CATIP: variants seen among roughly 807,000 people sequenced by gnomAD.
The protein encoded by CATIP is ciliogenesis associated TTC17 interacting protein, also known as ciliogenesis-associated TTC17-interacting protein.
CATIP carries 40 observed loss-of-function variants against 42.5 expected under a neutral mutation model. The observed-to-expected ratio is 0.94, with a 90% confidence interval of 0.73 to 1.22. The LOEUF (loss-of-function observed/expected upper bound fraction) is 1.22. CATIP is among the 50% of genes most tolerant of loss of function. CATIP has a pLI of 0.00. For synonymous variants in CATIP, 222 were observed against 200.2 expected, an observed-to-expected ratio of 1.11 and a Z score of -0.92; for missense variants, 489 against 496.0, an observed-to-expected ratio of 0.99 and a Z score of 0.13.
At chr2:218,357,832 T>G in intron 3 of CATIP, 98 bp downstream of exon 3, 1 of 1,385,372 alleles carries the variant, frequency 7.2e-7, no homozygotes, top group Admixed American at 1.7e-5. Context: ...AGCCCTTGGC[T>G]TTGCCTTGGA....
At chr2:218,362,629 G>A in intron 5 of CATIP, 106 bp from the exon 6 acceptor site, 2 of 1,144,646 alleles carry the variant, frequency 1.7e-6, no homozygotes, top group Non-Finnish European at 2.5e-6. Context: ...GCGAAACTCT[G>A]TCTCAAAAAA....
intron 5 of CATIP, among the ~76,000 whole-genome samples, chr2:218,361,450 T>C (rs1196040495): frequency 6.6e-6 from 1 of 152,082 alleles, no homozygotes; most frequent in African/African-American, 2.4e-5. Flanking sequence ...TTCCAAGTCA[T>C]AGGTAGATAA....
rs1574748442 is a variant in CATIP at position 218,368,078 on chromosome 2, C to T, written c.*114C>T. On this transcript the variant is annotated 3_prime_UTR_variant, in exon 10 of 10. Transcript: ENST00000289388. ...GCGGTTTTGGGGGAATAAATGGGGC[C>T]CTCCCGCTTCTCTGCAGCGCCCGTC... 2.4e-6 allele frequency: 3 copies of T among 1,262,950 alleles called. No individual in the cohort carries two copies. In the East Asian group the frequency reaches 8.2e-5, roughly 34 times the overall value. 78.2% of individuals were successfully genotyped at this position (1,262,950 alleles called of 1,614,324 possible).
intron 2 of CATIP, 98 bp downstream of exon 2, chr2:218,357,285 C>CTCTCTCTCTT: frequency 1.1e-6 from 1 of 883,128 alleles, no homozygotes; most frequent in Non-Finnish European, 1.7e-6. Context: ...CTCTCTCTCT[C>CTCTCTCTCTT]TCTCTTCCTT....
intron 7 of CATIP, chr2:218,366,654 C>G (rs550458078): frequency 1.9e-5 from 6 of 322,982 alleles, no homozygotes; most frequent in African/African-American, 1.3e-4. Flanking sequence ...AACAAAACAC[C>G]ACAGGCTGGG....
At chr2:218,360,846 T>C (rs1695209414) in intron 5 of CATIP, among the ~76,000 whole-genome samples, 187 bp downstream of exon 5, 1 of 151,418 alleles carries the variant, frequency 6.6e-6, no homozygotes, top group Non-Finnish European at 1.5e-5. Flanking sequence ...TTTTTTTTTT[T>C]TGAGACAGAG....
intron 5 of CATIP, among the ~76,000 whole-genome samples, chr2:218,362,510 G>A (rs1238399977): frequency 2.0e-5 from 3 of 152,024 alleles, no homozygotes; most frequent in African/African-American, 7.2e-5. Context: ...ATGGTAGCCT[G>A]TAATCCCTGC....
At chr2:218,359,475 G>C (rs373945918) in intron 4 of CATIP, among the ~76,000 whole-genome samples, 1 of 152,144 alleles carries the variant, frequency 6.6e-6, no homozygotes, top group East Asian at 1.9e-4. Context: ...GCTGGGGCTG[G>C]GTGTGAGGGG....
At position 218,365,330 on chromosome 2, in the gene CATIP, C is replaced by A. The variant is rs1487704800; in HGVS notation, c.755+578C>A. On this transcript the variant is annotated intron_variant, in intron 7 of 9. Coordinates refer to ENST00000289388, the MANE Select transcript of CATIP (RefSeq NM_198559.2). The stretch of plus-strand genomic sequence containing the variant: ...TCTGGAGGCTGAGGCAGGAGGATGG[C>A]GTGAACCCAGGAGGCAGAGCTTGCA... 2.0e-5 allele frequency among the ~76,000 whole-genome samples: 3 copies of A among 151,590 alleles called. No individual in the cohort carries two copies. In the Admixed American group the frequency reaches 2.0e-4, roughly 10 times the overall value.
In CATIP at chr2:218,367,493, T is replaced by A. The variant is rs1695493522; in HGVS notation, c.896T>A (p.Leu299His). The change falls in exon 9 of 10, where the codon CTC becomes CAC. Residue 299 changes from leucine to histidine, a missense_variant. Leu to His is a moderately conservative substitution (Grantham distance 99). Coordinates refer to ENST00000289388, the MANE Select transcript of CATIP (RefSeq NM_198559.2). Reference protein sequence around the residue: ...KPLVWEEDMELYSKFLDRKEE... With the variant: ...KPLVWEEDMEHYSKFLDRKEE... ...CTGGTATGGGAGGAGGATATGGAGC[T>A]CTATTCGAAGTTCCTGGACCGGAAG... 2 of 1,614,106 alleles carry A rather than the reference T, an allele frequency of 1.2e-6. No individual in the cohort carries two copies. The highest frequency in any genetic ancestry group is 1.7e-6 in the Non-Finnish European group (2 of 1,180,016).
rs1695524996 is a variant in CATIP, at chr2:218,367,865, C to A, written c.1065C>A (p.Asp355Glu). 1 of 1,613,080 alleles carries A rather than the reference C, an allele frequency of 6.2e-7. No homozygotes were observed. Among genetic ancestry groups the A allele is most frequent in the Non-Finnish European group, 8.5e-7 (1 of 1,179,876 alleles). ...CCGCCGAGTTCTTCGGCCCCTTCGACCCGTGGCGTCCGTCGTCACCGGCCT... is the reference window on the plus strand; with the variant it reads ...CCGCCGAGTTCTTCGGCCCCTTCGAACCGTGGCGTCCGTCGTCACCGGCCT... ...TFAAEFFGPF[D>E]PWRPSSPALG... The change falls in exon 10 of 10, where the codon GAC (aspartate) becomes GAA (glutamate). Residue 355 changes from aspartate to glutamate, a missense_variant. Transcript: ENST00000289388.
chr2:218,365,524 A>G (rs1159116065), intron 7 of CATIP: 1 of 152,168 alleles, frequency 6.6e-6, no homozygotes, highest in Non-Finnish European at 1.5e-5. Context: ...ATTTCTTAAA[A>G]TTTCAGAATA....
chr2:218,367,175 G>A (rs984327707), intron 8 of CATIP, 75 bp downstream of exon 8: 2 of 1,169,450 alleles, frequency 1.7e-6, no homozygotes, highest in Admixed American at 3.8e-5. Flanking sequence ...CCAGGATGCA[G>A]GGGGCTGGAC....
intron 7 of CATIP, chr2:218,366,005 G>A (rs1450132657): frequency 1.3e-5 from 2 of 152,158 alleles, no homozygotes; most frequent in African/African-American, 2.4e-5. Flanking sequence ...AGTAGAAACA[G>A]GCTTTCACCA....
In CATIP at chr2:218,368,040, C is replaced by T; in HGVS notation, c.*76C>T. 7.0e-7 allele frequency: 1 copy of T among 1,427,090 alleles called. No homozygotes were observed. Among genetic ancestry groups the T allele is most frequent in the South Asian group, 1.5e-5 (1 of 68,186 alleles). 88.4% of individuals were successfully genotyped at this position (1,427,090 alleles called of 1,614,324 possible). On this transcript the variant is annotated 3_prime_UTR_variant, in exon 10 of 10. Coordinates refer to ENST00000289388, the MANE Select transcript of CATIP (RefSeq NM_198559.2). ...CGGGCGGGACGCGCCGGGGCGGGTG[C>T]GCTTTCCGGGCTGCGGTTTTGGGGG...
chr2:218,358,155 A>G, intron 4 of CATIP, 63 bp downstream of exon 4: 1 of 1,408,880 alleles, frequency 7.1e-7, no homozygotes, highest in South Asian at 1.2e-5. Flanking sequence ...TTGACTTAAA[A>G]AACAGCAGCA....
In CATIP at chr2:218,364,360, A is replaced by ACC. The variant is rs398091073; in HGVS notation, c.631-262_631-261dup. 4.1e-3 allele frequency among the ~76,000 whole-genome samples: 623 copies of ACC among 150,344 alleles called. 6 individuals carry two copies. Among genetic ancestry groups the ACC allele is most frequent in the African/African-American group, 0.014 (552 of 40,866 alleles). ...GCTCATCCTACCTCTCCGCTCCCAC[A>ACC]CCCCCCCGCATACCGCTTCTCATCC... On this transcript the variant is annotated intron_variant, in intron 6 of 9. Transcript: ENST00000289388.
At chr2:218,361,514 G>T (rs1444314033) in intron 5 of CATIP, among the ~76,000 whole-genome samples, 1 of 152,140 alleles carries the variant, frequency 6.6e-6, no homozygotes, top group Non-Finnish European at 1.5e-5. Flanking sequence ...CAATTTACAT[G>T]CTATGGGGGT....
chr2:218,360,982 C>A (rs760497475), intron 5 of CATIP, among the ~76,000 whole-genome samples: 8 of 151,914 alleles, frequency 5.3e-5, no homozygotes, highest in Admixed American at 5.2e-4. Flanking sequence ...GGGCATGCAC[C>A]ACCACGCCCG....
Sources: allele counts gnomAD v4.1 joint callset (sites outside exome capture counted in the v4.1 genomes callset), GRCh38; gene constraint gnomAD v4.1.1; transcripts MANE v1.5; gene names NCBI Gene and HGNC (gene_info 2026-07-23, HGNC 2026-07-21).